SPPL3: variants seen among roughly 807,000 people sequenced by gnomAD.
SPPL3 encodes signal peptide peptidase like 3, also known as signal peptide peptidase-like 3.
Under a neutral mutation model 42.4 loss-of-function variants are expected in SPPL3, and 5 were observed. The ratio of observed to expected loss-of-function variants is 0.12; its 90% CI spans 0.06 to 0.25. The LOEUF (loss-of-function observed/expected upper bound fraction) is 0.25, where lower values mean the gene tolerates loss of function less well. SPPL3 is among the 10% of genes least tolerant of loss of function. The pLI, the probability that SPPL3 is intolerant of heterozygous loss-of-function variation, is 1.00. For missense variants in SPPL3, 235 were observed against 489.0 expected (o/e 0.48, Z 4.90); for synonymous variants, 195 against 181.8 (o/e 1.07, Z -0.58).
chr12:120,835,682 TAA>T (rs1300148496), intron 1 of SPPL3: 1 of 152,186 alleles, frequency 6.6e-6, no homozygotes, highest in African/African-American at 2.4e-5. Context: ...AAGCTTAATG[TAA>T]AGACAGAAAT....
intron 1 of SPPL3, among the ~76,000 whole-genome samples, chr12:120,888,611 G>A (rs1485554030): frequency 6.6e-6 from 1 of 152,160 alleles, no homozygotes; most frequent in African/African-American, 2.4e-5. Context: ...AATCCGTAGA[G>A]GCCAAAAGCA....
chr12:120,781,560 T>A (rs1211694429), intron 6 of SPPL3, among the ~76,000 whole-genome samples: 1 of 12,336 alleles, frequency 8.1e-5, no homozygotes, highest in Non-Finnish European at 2.3e-4. Context: ...GTTACGTTTT[T>A]TTTTTTTTTT....
chr12:120,903,738 C>CG (rs985026221), intron 1 of SPPL3, 107 bp downstream of exon 1: 4 of 672,804 alleles, frequency 5.9e-6, no homozygotes, highest in South Asian at 2.1e-5. Flanking sequence ...CCGCGCCCCC[C>CG]CCCCACGACA....
At chr12:120,885,553 G>A (rs1441646258) in intron 1 of SPPL3, among the ~76,000 whole-genome samples, 2 of 152,274 alleles carry the variant, frequency 1.3e-5, no homozygotes, top group South Asian at 4.2e-4. Context: ...CAGTAATAAT[G>A]CAATGGTCAA....
intron 1 of SPPL3, among the ~76,000 whole-genome samples, chr12:120,831,356 C>A (rs1483455872): frequency 6.6e-6 from 1 of 152,140 alleles, no homozygotes; most frequent in East Asian, 1.9e-4. Flanking sequence ...CTCTGGAGAA[C>A]CCTAATACAA....
intron 1 of SPPL3, among the ~76,000 whole-genome samples, chr12:120,838,410 G>A (rs1409102220): frequency 6.6e-6 from 1 of 152,058 alleles, no homozygotes; most frequent in African/African-American, 2.4e-5. Flanking sequence ...CCCAAACTGC[G>A]ACCAAAAACA....
At chr12:120,899,759 G>C (rs1873916686) in intron 1 of SPPL3, among the ~76,000 whole-genome samples, 1 of 151,822 alleles carries the variant, frequency 6.6e-6, no homozygotes, top group Non-Finnish European at 1.5e-5. Context: ...CGGGCATGGT[G>C]GTACACGCCT....
At chr12:120,801,224 A>G (rs1349045789) in intron 2 of SPPL3, among the ~76,000 whole-genome samples, 3 of 152,332 alleles carry the variant, frequency 2.0e-5, no homozygotes, top group Middle Eastern at 3.4e-3. Flanking sequence ...TATTCCATCT[A>G]TTCTCTCTCA....
chr12:120,800,934 T>G (rs1208734552), intron 2 of SPPL3, among the ~76,000 whole-genome samples: 2 of 152,182 alleles, frequency 1.3e-5, no homozygotes. Context: ...ACTCCATGAG[T>G]GGGGTGACCA....
rs992644463 is a variant in SPPL3, at chr12:120,768,372, C to G, written c.726G>C (p.Gly242=). ...GCAGAGACAGGCGAGGAACATCACGCCCAACATTGGGCCCCAGGTGGAGCT... is the reference window on the plus strand; with the variant it reads ...GCAGAGACAGGCGAGGAACATCACGGCCAACATTGGGCCCCAGGTGGAGCT... ...SRKLHLGPNV[G]RDVPRLSLPG... is the part of the protein sequence containing the mutation. Residue 242 remains glycine (G), a synonymous_variant, in exon 8 of 11, where the codon GGG becomes GGC. Coordinates refer to ENST00000353487, the MANE Select transcript of SPPL3 (RefSeq NM_139015.5). 1.2e-6 allele frequency: 2 copies of G among 1,614,048 alleles called. No individual in the cohort carries two copies. Among genetic ancestry groups the G allele is most frequent in the African/African-American group, 2.7e-5 (2 of 74,934 alleles).
intron 1 of SPPL3, among the ~76,000 whole-genome samples, chr12:120,848,441 A>G (rs1369361498): frequency 1.3e-5 from 2 of 152,186 alleles, no homozygotes; most frequent in African/African-American, 4.8e-5. Flanking sequence ...AGAAGGGTGG[A>G]ATACCAAAAC....
intron 1 of SPPL3, among the ~76,000 whole-genome samples, chr12:120,826,198 AAGG>A (rs200178734): frequency 0.014 from 2,147 of 151,346 alleles, 43 homozygotes; most frequent in African/African-American, 0.046. Flanking sequence ...GAGGCTGAGG[AAGG>A]AGAATCGCTT....
At chr12:120,768,915 C>A in intron 7 of SPPL3, 38 bp downstream of exon 7, 1 of 1,544,250 alleles carries the variant, frequency 6.5e-7, no homozygotes, top group Non-Finnish European at 8.8e-7. Context: ...CACTTCAACA[C>A]AAAGAAGGGG....
chr12:120,852,738 T>A (rs879610773), intron 1 of SPPL3, among the ~76,000 whole-genome samples: 31,727 of 48,814 alleles, frequency 0.65, 14,174 homozygotes, highest in Non-Finnish European at 0.86. Flanking sequence ...AATATACATA[T>A]AATATATTTC....
At chr12:120,799,051 CCT>C (rs1491384311) in intron 2 of SPPL3, among the ~76,000 whole-genome samples, 1 of 152,102 alleles carries the variant, frequency 6.6e-6, no homozygotes, top group Non-Finnish European at 1.5e-5. Flanking sequence ...AAGATTTTCC[CCT>C]TTTTTCAAAT....
chr12:120,870,987 G>T (rs1469766341), intron 1 of SPPL3, among the ~76,000 whole-genome samples: 1 of 151,574 alleles, frequency 6.6e-6, no homozygotes, highest in Non-Finnish European at 1.5e-5. Context: ...AAAAACAGCC[G>T]GGCATGGCGC....
intron 1 of SPPL3, among the ~76,000 whole-genome samples, chr12:120,865,829 G>C (rs919316487): frequency 6.6e-6 from 1 of 152,222 alleles, no homozygotes; most frequent in Admixed American, 6.5e-5. Flanking sequence ...ACTGTAGGAG[G>C]AGACAGGCAG....
At chr12:120,820,002 C>T (rs927822139) in intron 1 of SPPL3, among the ~76,000 whole-genome samples, 7 of 152,080 alleles carry the variant, frequency 4.6e-5, no homozygotes, top group African/African-American at 9.7e-5. Context: ...CTATGAAAAC[C>T]GTATGACCCT....
chr12:120,813,462 C>T (rs926082476), intron 1 of SPPL3, among the ~76,000 whole-genome samples: 25 of 151,656 alleles, frequency 1.6e-4, no homozygotes, highest in African/African-American at 4.8e-4. Context: ...GGGTTACAGG[C>T]GCCCCCCCAC....
Sources: allele counts gnomAD v4.1 joint callset (sites outside exome capture counted in the v4.1 genomes callset), GRCh38; gene constraint gnomAD v4.1.1; transcripts MANE v1.5; gene names NCBI Gene and HGNC (gene_info 2026-07-23, HGNC 2026-07-21).